The following TMEM222 variants were observed in gnomAD, a reference collection of about 807,000 sequenced individuals.
TMEM222 encodes the protein transmembrane protein 222, also known as chromosome 1 open reading frame 160.
Under a neutral mutation model 25.1 loss-of-function variants are expected in TMEM222, and 18 were observed. That is an observed-to-expected ratio of 0.72 (90% CI 0.50 to 1.06). TMEM222 has a LOEUF of 1.06. TMEM222 is among the 50% of genes least tolerant of loss of function. The probability of loss-of-function intolerance (pLI) is 0.00; values close to 1 mark genes in which losing one functional copy is unlikely to be tolerated. For synonymous variants in TMEM222, 131 were observed against 117.9 expected (o/e 1.11, Z -0.72); for missense variants, 296 against 293.7 (o/e 1.01, Z -0.06).
intron 2 of TMEM222, among the ~76,000 whole-genome samples, chr1:27,331,777 G>A (rs1571011887): frequency 6.6e-6 from 1 of 152,382 alleles, no homozygotes; most frequent in East Asian, 1.9e-4. Context: ...GGCCCAGAGA[G>A]GGCAAGAGAA....
At position 27,330,777 on chromosome 1, in the gene TMEM222, G is replaced by T; in HGVS notation, c.252G>T (p.Arg84=). The part of the protein sequence containing the change: ...MGICTSTGVI[R]DFAGPYFVSE... ...TCTGCACATCCACAGGAGTCATTCG[G>T]GACTTCGCGGGCCCCTACTTTGTCT... The change falls in exon 2 of 6, where the codon CGG becomes CGT. Residue 84 remains arginine (R), a synonymous_variant. Transcript: ENST00000374076. 1 of 1,614,124 alleles carries T rather than the reference G, an allele frequency of 6.2e-7. No homozygotes were observed. The highest frequency in any genetic ancestry group is 8.5e-7 in the Non-Finnish European group (1 of 1,180,018).
intron 1 of TMEM222, among the ~76,000 whole-genome samples, chr1:27,328,262 C>CAGAGAA (rs2014400713): frequency 6.6e-6 from 1 of 152,052 alleles, no homozygotes; most frequent in Non-Finnish European, 1.5e-5. Flanking sequence ...AGGGCAGATA[C>CAGAGAA]AGAGAAAGCA....
chr1:27,322,242 G>GCCA lies in TMEM222; in HGVS notation c.48_50dup (p.Pro19dup), dbSNP rs773171682. 5 of 1,469,388 alleles carry GCCA rather than the reference G, an allele frequency of 3.4e-6. No individual in the cohort carries two copies. Among genetic ancestry groups the GCCA allele is most frequent in the Non-Finnish European group, 4.5e-6 (5 of 1,104,974 alleles). The allele number at this position is 1,469,388 out of a possible 1,614,324, so 91.0% of individuals were successfully genotyped here. On this transcript the variant is annotated inframe_insertion, in exon 1 of 6. Transcript: ENST00000374076. ...GTTCTCTGCTCTTGTTGCCGCCGCC[G>GCCA]CCACCCCCGCCCAGGATGGCGGAAG... is the stretch of plus-strand genomic sequence containing the variant.
chr1:27,334,430 C>T, intron 5 of TMEM222, 149 bp downstream of exon 5: 1 of 1,330,500 alleles, frequency 7.5e-7, no homozygotes, highest in East Asian at 2.5e-5. Context: ...GAGTGACGAG[C>T]TGAGGGCCTG....
Position 27,335,516 on chromosome 1 carries a change from C to T in TMEM222, c.*50C>T. On this transcript the variant is annotated 3_prime_UTR_variant, in exon 6 of 6. Transcript: ENST00000374076. ...ACCAGGGTCCCGAGGAAACAGCCGC[C>T]ATCCCTTTTGGTTCCAGATTTTTTT... 8 of 1,588,062 alleles carry T rather than the reference C, an allele frequency of 5.0e-6. No individual in the cohort carries two copies. The highest frequency in any genetic ancestry group is 6.9e-6 in the Non-Finnish European group (8 of 1,157,216).
intron 3 of TMEM222, chr1:27,333,607 G>C: frequency 2.5e-6 from 1 of 403,126 alleles, no homozygotes; most frequent in Non-Finnish European, 4.9e-6. Flanking sequence ...TAAGGACACG[G>C]ATCCCATTCA....
rs1219180791 is a variant in TMEM222 at position 27,322,862 on chromosome 1, C to T, written c.194+471C>T. Among the ~76,000 whole-genome samples the T allele has an allele frequency of 2.0e-5, 3 of 151,992 alleles. 1 individual carries two copies. On this transcript the variant is annotated intron_variant, in intron 1 of 5. Coordinates refer to ENST00000374076, the MANE Select transcript of TMEM222 (RefSeq NM_032125.3). Reference sequence around the variant, plus strand: ...CAACATTGGAAGGGCCCCCAGAGATCTGAGAGTCCAACCCTTTGTCTCACG... The same window carrying T: ...CAACATTGGAAGGGCCCCCAGAGATTTGAGAGTCCAACCCTTTGTCTCACG...
rs764526892 is a variant in TMEM222 at position 27,335,365 on chromosome 1, T to G, written c.540-14T>G. ...GGCCCTGCCCACCTATGCTCGCTCC[T>G]TTCTCTCTGTCAGCGTTGGGGCCTT... On this transcript the variant is annotated splice_polypyrimidine_tract_variant and intron_variant, in intron 5 of 5. Coordinates refer to ENST00000374076, the MANE Select transcript of TMEM222 (RefSeq NM_032125.3). The G allele has an allele frequency of 2.2e-5, 36 of 1,613,880 alleles. No homozygotes were observed. Among genetic ancestry groups the G allele is most frequent in the Non-Finnish European group, 3.0e-5 (35 of 1,179,858 alleles).
Position 27,334,028 on chromosome 1 carries a change from GC to G in TMEM222, c.384del (p.Ser129LeufsTer24). ...CGCATGGGACACGGCTGTGCACGAC[GC>G]CTCTGAGGAGTACAAGCACCGCATG... The part of the protein sequence containing the change: ...PNAWDTAVHD[A>X]SEEYKHRMHN... On this transcript the variant is annotated frameshift_variant, in exon 4 of 6. Transcript: ENST00000374076. LOFTEE classifies it high-confidence loss of function. 2 of 1,614,128 alleles carry G rather than the reference GC, an allele frequency of 1.2e-6. No homozygotes were observed. Among genetic ancestry groups the G allele is most frequent in the Non-Finnish European group, 1.7e-6 (2 of 1,180,008 alleles).
chr1:27,331,914 C>A (rs2014487579), intron 2 of TMEM222, among the ~76,000 whole-genome samples, 156 bp from the exon 3 acceptor site: 1 of 152,394 alleles, frequency 6.6e-6, no homozygotes, highest in South Asian at 2.1e-4. Flanking sequence ...TCTTTAGATG[C>A]CATGCCAGCC....
At position 27,334,484 on chromosome 1, in the gene TMEM222, C is replaced by T. The variant is rs1571014812; in HGVS notation, c.539+203C>T. ...GTGCTGAAGTCCAGCTCCACCTGGG[C>T]CCCAAATGCAGCTCTGGCTCTTGCC... On this transcript the variant is annotated intron_variant, in intron 5 of 5. Coordinates refer to ENST00000374076, the MANE Select transcript of TMEM222 (RefSeq NM_032125.3). 2.4e-6 allele frequency: 3 copies of T among 1,275,932 alleles called. No individual in the cohort carries two copies. The East Asian group carries it at 7.6e-5, about 33-fold the overall frequency. The allele number at this position is 1,275,932 out of a possible 1,614,324, so 79.0% of individuals were successfully genotyped here.
chr1:27,333,560 G>A, intron 3 of TMEM222: 1 of 435,962 alleles, frequency 2.3e-6, no homozygotes, highest in South Asian at 1.7e-5. Flanking sequence ...GTCCCCACGT[G>A]GTGGAGGGGT....
intron 1 of TMEM222, among the ~76,000 whole-genome samples, chr1:27,327,980 T>C (rs941370776): frequency 6.6e-6 from 1 of 152,260 alleles, no homozygotes; most frequent in Non-Finnish European, 1.5e-5. Context: ...TGCAGCTATA[T>C]ACAGGCACTG....
In TMEM222 at chr1:27,334,599, G is replaced by A. The variant is rs952779971; in HGVS notation, c.539+318G>A. Reference sequence around the variant, plus strand: ...GGCAATGATTCCGGCTCCTCAGGGAGGCTTCTACGGATCCCTGTGCTCCGG... The same window carrying A: ...GGCAATGATTCCGGCTCCTCAGGGAAGCTTCTACGGATCCCTGTGCTCCGG... On this transcript the variant is annotated intron_variant, in intron 5 of 5. Transcript: ENST00000374076. The A allele has an allele frequency of 3.1e-5, 45 of 1,443,942 alleles. No homozygotes were observed. The African/African-American group carries it at 5.9e-4, about 19-fold the overall frequency. The allele number at this position is 1,443,942 out of a possible 1,614,324, so 89.4% of individuals were successfully genotyped here. A position where few individuals can be genotyped will look rare whatever the true frequency, so the allele number is the denominator to read the frequency against.
intron 3 of TMEM222, 101 bp downstream of exon 3, chr1:27,332,202 T>C (rs1029281282): frequency 7.0e-7 from 1 of 1,421,840 alleles, no homozygotes. Context: ...ACCCTGAGAA[T>C]AGAGTATTTG....
intron 2 of TMEM222, chr1:27,331,139 T>G: frequency 8.6e-7 from 1 of 1,164,326 alleles, no homozygotes; most frequent in Non-Finnish European, 1.1e-6. Flanking sequence ...CTTCAGAAGG[T>G]GGGAGTCAAG....
Position 27,322,322 on chromosome 1 carries a change from G to C in TMEM222, c.125G>C (p.Gly42Ala), listed in dbSNP as rs765331264. The C allele has an allele frequency of 6.4e-7, 1 of 1,551,738 alleles. No individual in the cohort carries two copies. Among genetic ancestry groups the C allele is most frequent in the East Asian group, 2.5e-5 (1 of 40,098 alleles). Residue 42 changes from glycine to alanine, a missense_variant, in exon 1 of 6, where the codon GGC becomes GCC. Transcript: ENST00000374076. ...TDMKQYQGSG[G>A]VAMDVERSRF... Reference sequence around the variant, plus strand: ...ATGAAGCAATATCAAGGCTCCGGCGGCGTCGCCATGGATGTGGAACGGAGT... The same window carrying C: ...ATGAAGCAATATCAAGGCTCCGGCGCCGTCGCCATGGATGTGGAACGGAGT...
intron 2 of TMEM222, 193 bp downstream of exon 2, chr1:27,330,997 G>C: frequency 2.7e-6 from 4 of 1,473,586 alleles, no homozygotes; most frequent in Non-Finnish European, 2.7e-6. Flanking sequence ...CAGGCCGGGA[G>C]GGCAGTGTGG....
intron 2 of TMEM222, chr1:27,331,030 G>A: frequency 6.9e-7 from 1 of 1,440,458 alleles, no homozygotes; most frequent in African/African-American, 1.4e-5. Context: ...TTAAGTAACT[G>A]ACCCAGCCCT....
Sources: allele counts gnomAD v4.1 joint callset (sites outside exome capture counted in the v4.1 genomes callset), GRCh38; gene constraint gnomAD v4.1.1; transcripts MANE v1.5; gene names NCBI Gene and HGNC (gene_info 2026-07-23, HGNC 2026-07-21).